The following GAS7 variants were observed in gnomAD, a reference collection of about 807,000 sequenced individuals.
GAS7 encodes the protein growth arrest-specific protein 7.
A neutral mutation model predicts 71.1 loss-of-function variants in GAS7; 28 were observed. The ratio of observed to expected loss-of-function variants is 0.39; its 90% CI spans 0.29 to 0.54. The LOEUF (loss-of-function observed/expected upper bound fraction) is 0.54. GAS7 is among the 20% of genes least tolerant of loss of function. The pLI is 0.62. For synonymous variants in GAS7, 258 were observed against 245.8 expected (o/e 1.05, Z -0.46); for missense variants, 436 against 627.8 (o/e 0.69, Z 3.27).
At chr17:10,015,140 C>A (rs527856128) in intron 2 of GAS7, among the ~76,000 whole-genome samples, 1 of 148,868 alleles carries the variant, frequency 6.7e-6, no homozygotes, top group African/African-American at 2.6e-5. Context: ...GGCGACAGAG[C>A]GAGACTCTGT....
chr17:10,064,707 A>G (rs550994452), intron 1 of GAS7, among the ~76,000 whole-genome samples: 37 of 152,188 alleles, frequency 2.4e-4, no homozygotes, highest in Admixed American at 5.2e-4. Context: ...AGGGCTGATG[A>G]GGAAGACAGG....
At chr17:10,140,712 G>A (rs1168511893) in intron 1 of GAS7, among the ~76,000 whole-genome samples, 1 of 152,150 alleles carries the variant, frequency 6.6e-6, no homozygotes, top group Admixed American at 6.6e-5. Flanking sequence ...GCTCCTCACT[G>A]TAAGTCCACA....
intron 2 of GAS7, among the ~76,000 whole-genome samples, chr17:9,985,813 G>C (rs541067716): frequency 2.2e-4 from 34 of 152,332 alleles, no homozygotes; most frequent in African/African-American, 7.9e-4. Flanking sequence ...GCCCCTCCCA[G>C]CTCAGAGCTC....
At chr17:10,182,448 C>A (rs1022176998) in intron 1 of GAS7, among the ~76,000 whole-genome samples, 11 of 152,216 alleles carry the variant, frequency 7.2e-5, no homozygotes, top group Non-Finnish European at 4.4e-5. Flanking sequence ...GCATGAGGCA[C>A]CGCACCCGGC....
chr17:9,979,862 T>TA (rs749550179), intron 3 of GAS7, among the ~76,000 whole-genome samples: 28,972 of 141,044 alleles, frequency 0.21, 3,097 homozygotes, highest in Middle Eastern at 0.29. Context: ...TTGATTGTTT[T>TA]AAAAAAAAAA....
intron 11 of GAS7, among the ~76,000 whole-genome samples, chr17:9,922,466 G>A (rs1349689385): frequency 1.3e-5 from 2 of 152,172 alleles, no homozygotes; most frequent in African/African-American, 4.8e-5. Context: ...ATTTGTAAAG[G>A]GTATAAAAAT....
intron 8 of GAS7, among the ~76,000 whole-genome samples, chr17:9,935,495 T>C (rs565648407): frequency 6.6e-6 from 1 of 152,348 alleles, no homozygotes; most frequent in East Asian, 1.9e-4. Flanking sequence ...GTTGACTTAA[T>C]ATCATCCAAA....
Position 9,959,087 on chromosome 17 carries a change from C to T in GAS7, c.525+115G>A. 1 of 1,365,568 alleles carries T rather than the reference C, an allele frequency of 7.3e-7. No individual in the cohort carries two copies. Among genetic ancestry groups the T allele is most frequent in the Non-Finnish European group, 9.8e-7 (1 of 1,021,346 alleles). The allele number at this position is 1,365,568 out of a possible 1,614,324, so 84.6% of individuals were successfully genotyped here. A position where few individuals can be genotyped will look rare whatever the true frequency, so the allele number is the denominator to read the frequency against. On this transcript the variant is annotated intron_variant, in intron 5 of 13. Coordinates refer to ENST00000432992, the MANE Select transcript of GAS7 (RefSeq NM_201433.2). This position sits in a 1 kb window ranked among gnomAD's most constrained non-coding sequence, Gnocchi z 5.0. ...GTGAAATCCGAGCTTTGGAACTTCCCCGTTTCCAGGTTGGGCATCACTTCT... is the reference window on the plus strand; with the variant it reads ...GTGAAATCCGAGCTTTGGAACTTCCTCGTTTCCAGGTTGGGCATCACTTCT...
intron 1 of GAS7, among the ~76,000 whole-genome samples, chr17:10,171,676 TC>T (rs1271109298): frequency 6.6e-6 from 1 of 152,196 alleles, no homozygotes; most frequent in Non-Finnish European, 1.5e-5. Flanking sequence ...AACCAGGCAG[TC>T]CGTGTAAGGG....
Position 9,997,259 on chromosome 17 carries a change from C to T in GAS7, c.305-15375G>A, listed in dbSNP as rs111523935. ...GGGGCCGGGCGGGTGGGGGCGGGGG[C>T]GGTGGAAACAGTCCATAAGACTGCT... On this transcript the variant is annotated intron_variant, in intron 2 of 13. Coordinates refer to ENST00000432992, the MANE Select transcript of GAS7 (RefSeq NM_201433.2). Among the ~76,000 whole-genome samples the T allele has an allele frequency of 4.8e-4, 36 of 75,186 alleles. No individual in the cohort carries two copies. In the East Asian group the frequency reaches 0.012, roughly 24 times the overall value. 49.3% of individuals were successfully genotyped at this position (75,186 alleles called of 152,430 possible). A position where few individuals can be genotyped will look rare whatever the true frequency, so the allele number is the denominator to read the frequency against.
chr17:10,186,390 C>T (rs976105127), intron 1 of GAS7, among the ~76,000 whole-genome samples: 21 of 146,106 alleles, frequency 1.4e-4, no homozygotes, highest in African/African-American at 4.4e-4. Context: ...CCAGGCCCCA[C>T]GTATTCAAAG....
chr17:9,986,723 T>C (rs2070664038), intron 2 of GAS7, among the ~76,000 whole-genome samples: 1 of 152,108 alleles, frequency 6.6e-6, no homozygotes, highest in Non-Finnish European at 1.5e-5. Context: ...AGCTAGAGTC[T>C]CCGTAAGTAC....
chr17:9,970,023 G>A (rs186591338), intron 3 of GAS7, among the ~76,000 whole-genome samples: 4 of 152,298 alleles, frequency 2.6e-5, no homozygotes, highest in African/African-American at 9.6e-5. Context: ...CAAAAGGAAT[G>A]TGCCTAACAG....
At chr17:10,144,943 G>A (rs183605859) in intron 1 of GAS7, among the ~76,000 whole-genome samples, 8 of 152,322 alleles carry the variant, frequency 5.3e-5, no homozygotes, top group African/African-American at 1.4e-4. Flanking sequence ...GTTCCTGCCC[G>A]TCTCTGATTA....
At position 9,969,531 on chromosome 17, in the gene GAS7, G is replaced by GA. The variant is rs1444383526; in HGVS notation, c.471+145dup. 3 of 600,702 alleles carry GA rather than the reference G, an allele frequency of 5.0e-6. No homozygotes were observed. The highest frequency in any genetic ancestry group is 9.1e-6 in the Non-Finnish European group (3 of 328,922). 37.2% of individuals were successfully genotyped at this position (600,702 alleles called of 1,614,324 possible). The stretch of plus-strand genomic sequence containing the variant: ...AACCCTCTCCCCATCAGGGAACACT[G>GA]AAACAACCCAGACACAGCAACCACT... On this transcript the variant is annotated intron_variant, in intron 4 of 13. Coordinates refer to ENST00000432992, the MANE Select transcript of GAS7 (RefSeq NM_201433.2). This position sits in a 1 kb window ranked among gnomAD's most constrained non-coding sequence, Gnocchi z 5.5.
chr17:10,044,139 T>C (rs2072912730), intron 1 of GAS7, among the ~76,000 whole-genome samples: 1 of 152,234 alleles, frequency 6.6e-6, no homozygotes, highest in Non-Finnish European at 1.5e-5. Context: ...TTCTGGGGAA[T>C]GCTTTCAGCA....
intron 1 of GAS7, among the ~76,000 whole-genome samples, chr17:10,146,487 A>G (rs2074121911): frequency 6.6e-6 from 1 of 152,146 alleles, no homozygotes; most frequent in Non-Finnish European, 1.5e-5. Context: ...GACCAGCAGC[A>G]CCAGAATCAC....
intron 1 of GAS7, among the ~76,000 whole-genome samples, chr17:10,102,897 G>A (rs191120819): frequency 4.6e-5 from 7 of 152,162 alleles, no homozygotes; most frequent in Admixed American, 2.0e-4. Flanking sequence ...TTCAATAGGC[G>A]AGTAATTAGG....
chr17:10,158,575 T>C (rs1242123962), intron 1 of GAS7, among the ~76,000 whole-genome samples: 2 of 152,110 alleles, frequency 1.3e-5, no homozygotes, highest in Admixed American at 6.5e-5. Context: ...ATACTGCTGT[T>C]CTCAACTTAC....
Sources: gnomAD v4.1 joint callset for allele counts (sites outside exome capture counted in the v4.1 genomes callset) on GRCh38, gnomAD v4.1.1 for gene constraint, Gnocchi (gnomAD v3.1) non-coding constraint, MANE v1.5 for transcripts, NCBI Gene and HGNC (gene_info 2026-07-23, HGNC 2026-07-21) for gene names.